Variants in INPP4B observed in about 807,000 individuals in gnomAD.
INPP4B encodes the protein inositol polyphosphate-4-phosphatase type II B, also known as inositol polyphosphate 4-phosphatase type II.
Under a neutral mutation model 122.5 loss-of-function variants are expected in INPP4B, and 55 were observed. The observed-to-expected ratio is 0.45, with a 90% CI of 0.36 to 0.56. INPP4B has a LOEUF of 0.56. INPP4B is among the 20% of genes least tolerant of loss of function. INPP4B has a pLI of 0.00. For synonymous variants in INPP4B, 403 were observed against 388.7 expected (o/e 1.04, Z -0.43); for missense variants, 1,000 against 1,097.7 (o/e 0.91, Z 1.26).
At chr4:142,504,785 G>T (rs1823798856) in intron 2 of INPP4B, among the ~76,000 whole-genome samples, 1 of 151,980 alleles carries the variant, frequency 6.6e-6, no homozygotes, top group African/African-American at 2.4e-5. Context: ...CAATGTAAAT[G>T]ATTACAAATC....
At chr4:142,612,965 A>C (rs748754791) in intron 2 of INPP4B, among the ~76,000 whole-genome samples, 2 of 152,202 alleles carry the variant, frequency 1.3e-5, no homozygotes, top group Non-Finnish European at 2.9e-5. Context: ...CCCTATATGC[A>C]ATCAGAAATA....
At chr4:142,255,230 G>C (rs1735120444) in intron 11 of INPP4B, among the ~76,000 whole-genome samples, 1 of 151,780 alleles carries the variant, frequency 6.6e-6, no homozygotes, top group African/African-American at 2.4e-5. Flanking sequence ...GGAACAACCG[G>C]TACCAGCCGC....
At chr4:142,486,452 G>A (rs556595577) in intron 2 of INPP4B, among the ~76,000 whole-genome samples, 57 of 151,982 alleles carry the variant, frequency 3.8e-4, no homozygotes, top group African/African-American at 1.3e-3. Context: ...TTTTTAACTA[G>A]GAAGTTTATT....
At chr4:142,831,864 T>C (rs190370283) in intron 1 of INPP4B, among the ~76,000 whole-genome samples, 1 of 152,308 alleles carries the variant, frequency 6.6e-6, no homozygotes, top group African/African-American at 2.4e-5. Context: ...GTGTACTTAT[T>C]TTTTTCCTAT....
At chr4:142,254,350 T>C (rs113181372) in intron 11 of INPP4B, among the ~76,000 whole-genome samples, 73,296 of 105,372 alleles carry the variant, frequency 0.7, 27,798 homozygotes, top group East Asian at 0.92. Flanking sequence ...CAAAGCTGGA[T>C]GGAGAATGAC....
At chr4:142,646,631 T>C (rs546680201) in intron 2 of INPP4B, among the ~76,000 whole-genome samples, 23 of 152,342 alleles carry the variant, frequency 1.5e-4, no homozygotes, top group African/African-American at 5.5e-4. Flanking sequence ...ATGGAGAATG[T>C]GTTTCACCAA....
intron 1 of INPP4B, among the ~76,000 whole-genome samples, chr4:142,735,120 T>G (rs1766672370): frequency 6.6e-6 from 1 of 152,190 alleles, no homozygotes; most frequent in African/African-American, 2.4e-5. Flanking sequence ...TTTTTAATAT[T>G]TTTGACTTAG....
At chr4:142,384,455 C>T (rs1488326248) in intron 7 of INPP4B, among the ~76,000 whole-genome samples, 1 of 152,142 alleles carries the variant, frequency 6.6e-6, no homozygotes, top group Non-Finnish European at 1.5e-5. Flanking sequence ...ACCTGTACAG[C>T]ATGTGACTGT....
intron 1 of INPP4B, among the ~76,000 whole-genome samples, chr4:142,825,960 A>T (rs553367144): frequency 1.3e-5 from 2 of 152,272 alleles, no homozygotes; most frequent in African/African-American, 4.8e-5. Flanking sequence ...GTGTTTTTAC[A>T]GATGTGGAAA....
At position 142,027,967 on chromosome 4, in the gene INPP4B, A is replaced by G. The variant is rs1737547838; in HGVS notation, c.*815T>C. 1 of 189,732 alleles carries G rather than the reference A, an allele frequency of 5.3e-6. No individual in the cohort carries two copies. The highest frequency in any genetic ancestry group is 1.1e-5 in the Non-Finnish European group (1 of 90,234). The allele number at this position is 189,732 out of a possible 1,614,324, so 11.8% of individuals were successfully genotyped here. On this transcript the variant is annotated 3_prime_UTR_variant, in exon 26 of 26. Transcript: ENST00000262992. The stretch of plus-strand genomic sequence containing the variant: ...CTGACATTCATGAACTTCACAACAT[A>G]AAGTTCAGGCTGATGGGAATTTTCA...
At chr4:142,607,595 CTAT>C (rs1287001375) in intron 2 of INPP4B, among the ~76,000 whole-genome samples, 2 of 152,134 alleles carry the variant, frequency 1.3e-5, no homozygotes, top group East Asian at 3.9e-4. Context: ...AAATATAACA[CTAT>C]TTTTTCCAGA....
chr4:142,429,272 T>C (rs2149360898), intron 4 of INPP4B, 55 bp from the exon 5 acceptor site: 1 of 871,202 alleles, frequency 1.1e-6, no homozygotes, highest in Non-Finnish European at 1.9e-6. Flanking sequence ...ATCAAGAATA[T>C]GTCAATATAT....
chr4:142,035,812 AG>A (rs1427085945), intron 25 of INPP4B, among the ~76,000 whole-genome samples: 1 of 152,200 alleles, frequency 6.6e-6, no homozygotes, highest in African/African-American at 2.4e-5. Context: ...TGCTTTTCAA[AG>A]AAGTTCATTC....
chr4:142,325,580 G>T (rs902947933), intron 7 of INPP4B, among the ~76,000 whole-genome samples: 1 of 152,062 alleles, frequency 6.6e-6, no homozygotes, highest in Non-Finnish European at 1.5e-5. Context: ...CATTCTATAG[G>T]CTTCCATGCC....
intron 1 of INPP4B, among the ~76,000 whole-genome samples, chr4:142,805,064 G>C (rs1778515174): frequency 6.6e-6 from 1 of 152,138 alleles, no homozygotes; most frequent in Admixed American, 6.6e-5. Flanking sequence ...GATCTTTTAA[G>C]ATAAACAACC....
At position 142,514,475 on chromosome 4, in the gene INPP4B, A is replaced by G. The variant is rs536902177; in HGVS notation, c.-190-51749T>C. 3.9e-5 allele frequency: 6 copies of G among 152,304 alleles called. No individual in the cohort carries two copies. In the South Asian group the frequency reaches 1.2e-3, roughly 32 times the overall value. The allele number at this position is 152,304 out of a possible 1,614,324, so 9.4% of individuals were successfully genotyped here. On this transcript the variant is annotated intron_variant, in intron 2 of 25. Coordinates refer to ENST00000262992, the MANE Select transcript of INPP4B (RefSeq NM_001101669.3). ...AAATGTTTACCATAAATTTACTATG[A>G]TCCTTGACATTTCAAATTTATATTG...
intron 2 of INPP4B, among the ~76,000 whole-genome samples, chr4:142,601,579 G>A (rs1321318787): frequency 2.1e-4 from 29 of 137,880 alleles, no homozygotes; most frequent in Non-Finnish European, 4.1e-4. Context: ...AAACTCCTAT[G>A]TCAAAAAAAA....
intron 2 of INPP4B, among the ~76,000 whole-genome samples, chr4:142,636,191 C>T (rs1160441450): frequency 6.6e-6 from 1 of 152,110 alleles, no homozygotes; most frequent in Non-Finnish European, 1.5e-5. Context: ...TTGAAAGTTT[C>T]CTGAGGTCTC....
At chr4:142,626,726 A>G (rs1352810546) in intron 2 of INPP4B, among the ~76,000 whole-genome samples, 1 of 151,852 alleles carries the variant, frequency 6.6e-6, no homozygotes, top group Non-Finnish European at 1.5e-5. Flanking sequence ...TTGCTACCCA[A>G]TAAAAGAAAC....
Sources: gnomAD v4.1 joint callset for allele counts (sites outside exome capture counted in the v4.1 genomes callset) on GRCh38, gnomAD v4.1.1 for gene constraint, MANE v1.5 for transcripts, NCBI Gene and HGNC (gene_info 2026-07-23, HGNC 2026-07-21) for gene names.